IL12RB1: variants seen among roughly 807,000 people sequenced by gnomAD.
The protein encoded by IL12RB1 is interleukin 12 receptor subunit beta 1.
In IL12RB1, 64 loss-of-function variants were observed where a neutral mutation model predicts 94.4. That is an observed-to-expected ratio of 0.68 (90% CI 0.55 to 0.83). IL12RB1 has a LOEUF of 0.83. Ranked by LOEUF, IL12RB1 falls within the 40% of genes least tolerant of loss-of-function variation. The pLI, the probability that IL12RB1 is intolerant of heterozygous loss-of-function variation, is 0.00. For missense variants in IL12RB1, 814 were observed against 855.6 expected, an observed-to-expected ratio of 0.95 and a Z score of 0.61; for synonymous variants, 362 against 355.5, an observed-to-expected ratio of 1.02 and a Z score of -0.21.
intron 2 of IL12RB1, 184 bp downstream of exon 2, chr19:18,083,248 G>A: frequency 1.4e-6 from 1 of 692,722 alleles, no homozygotes; most frequent in Non-Finnish European, 2.6e-6. Context: ...GAGGCGGCTG[G>A]CTACTCCAGG....
intron 13 of IL12RB1, 97 bp from the exon 14 acceptor site, chr19:18,062,374 G>T: frequency 1.4e-6 from 1 of 703,840 alleles, no homozygotes; most frequent in Non-Finnish European, 2.4e-6. Flanking sequence ...ACTTGCTGCT[G>T]ATCCTGGTGC....
At chr19:18,067,413 T>C (rs963021760) in intron 11 of IL12RB1, among the ~76,000 whole-genome samples, 4 of 151,130 alleles carry the variant, frequency 2.6e-5, no homozygotes, top group African/African-American at 7.3e-5. Flanking sequence ...GGAGGTAACA[T>C]TGGCCACAGA....
At chr19:18,073,285 A>G (rs1321468534) in intron 8 of IL12RB1, among the ~76,000 whole-genome samples, 7 of 152,070 alleles carry the variant, frequency 4.6e-5, no homozygotes, top group Non-Finnish European at 7.4e-5. Context: ...TGTTTCTCAC[A>G]CAGGAGCCAG....
chr19:18,090,976 C>T (rs1301799861), upstream of IL12RB1, among the ~76,000 whole-genome samples: 1 of 152,016 alleles, frequency 6.6e-6, no homozygotes, highest in Non-Finnish European at 1.5e-5. Context: ...GGCAAAAGTC[C>T]AGAGGAGGTG....
chr19:18,095,215 G>A (rs1027753344), intron 1 of IL12RB1, among the ~76,000 whole-genome samples: 1 of 152,032 alleles, frequency 6.6e-6, no homozygotes, highest in African/African-American at 2.4e-5. Context: ...TATGCAAAAA[G>A]TTGTATGCCA....
chr19:18,098,103 C>T (rs2037155605), intron 1 of IL12RB1, among the ~76,000 whole-genome samples: 1 of 152,166 alleles, frequency 6.6e-6, no homozygotes, highest in South Asian at 2.1e-4. Context: ...CCCCTCCCCA[C>T]CAGCTGTTCT....
chr19:18,078,470 G>A (rs2035642350), intron 4 of IL12RB1, among the ~76,000 whole-genome samples: 1 of 151,826 alleles, frequency 6.6e-6, no homozygotes, highest in South Asian at 2.1e-4. Flanking sequence ...TTTATACACA[G>A]GATCCTGTTA....
chr19:18,078,355 C>G (rs1269119253), intron 4 of IL12RB1, among the ~76,000 whole-genome samples: 1 of 152,080 alleles, frequency 6.6e-6, no homozygotes, highest in Non-Finnish European at 1.5e-5. Flanking sequence ...TGTAGTTAGA[C>G]AAGATCCCAC....
intron 1 of IL12RB1, among the ~76,000 whole-genome samples, chr19:18,093,351 TGTGTGTGTGC>T (rs554400752): frequency 2.6e-4 from 37 of 141,416 alleles, no homozygotes; most frequent in Admixed American, 7.5e-4. Context: ...TATATATACT[TGTGTGTGTGC>T]GTGTGTGTGT....
At chr19:18,083,357 G>T in intron 2 of IL12RB1, 75 bp downstream of exon 2, 1 of 1,401,068 alleles carries the variant, frequency 7.1e-7, no homozygotes, top group Non-Finnish European at 1.0e-6. Context: ...TGGAGGCCAT[G>T]GGAGGGGCCG....
At chr19:18,063,153 T>C (rs2146112074) in intron 13 of IL12RB1, among the ~76,000 whole-genome samples, 1 of 130,716 alleles carries the variant, frequency 7.7e-6, no homozygotes, top group Non-Finnish European at 1.6e-5. Flanking sequence ...CAGAGTGCAG[T>C]GGTGCAGTCA....
chr19:18,072,176 G>A lies in IL12RB1; in HGVS notation c.957C>T (p.Ile319=), dbSNP rs1261170551. Residue 319 remains isoleucine (I), a synonymous_variant, in exon 9 of 17, where the codon ATC becomes ATT. Coordinates refer to ENST00000593993, the MANE Select transcript of IL12RB1 (RefSeq NM_005535.3). ...GGCCAGGACCAAATTGGTTCGAGGAGATGACAGCCACGTTGTAGGCAGCAC... is the reference window on the plus strand; with the variant it reads ...GGCCAGGACCAAATTGGTTCGAGGAAATGACAGCCACGTTGTAGGCAGCAC... ...LSGAAYNVAV[I]SSNQFGPGLN... is the part of the protein sequence containing the mutation. The A allele has an allele frequency of 1.9e-6, 3 of 1,614,062 alleles. No homozygotes were observed. Among genetic ancestry groups the A allele is most frequent in the Non-Finnish European group, 1.7e-6 (2 of 1,180,024 alleles).
Position 18,092,127 on chromosome 19 carries a change from T to C in IL12RB1, c.-229-1358A>G, listed in dbSNP as rs1333779913. ...CCTGACCTTAAGTGATCTGCTGGCC[T>C]CGGCCTCCCAAAGGGCTGGGATTAC... On this transcript the variant is annotated intron_variant, in intron 1 of 4. Coordinates refer to the IL12RB1 transcript ENST00000594176. Among the ~76,000 whole-genome samples the C allele has an allele frequency of 2.0e-5, 3 of 150,834 alleles. No homozygotes were observed. In the East Asian group the frequency reaches 5.9e-4, roughly 30 times the overall value.
upstream of IL12RB1, among the ~76,000 whole-genome samples, chr19:18,091,068 G>A (rs2036603336): frequency 6.6e-6 from 1 of 152,076 alleles, no homozygotes; most frequent in East Asian, 1.9e-4. Context: ...CAGGCTAAAG[G>A]GCCTGGCTTT....
chr19:18,090,259 G>A (rs1296375799), upstream of IL12RB1, among the ~76,000 whole-genome samples: 2 of 150,036 alleles, frequency 1.3e-5, no homozygotes, highest in Non-Finnish European at 3.0e-5. Flanking sequence ...GGGAGGCTGA[G>A]GCTTAAGCCA....
intron 1 of IL12RB1, chr19:18,097,760 G>T (rs2037085362): frequency 8.4e-7 from 1 of 1,196,270 alleles, no homozygotes; most frequent in African/African-American, 1.6e-5. Flanking sequence ...GGGCGGGGCC[G>T]GGGGCGGGCC....
chr19:18,072,390 C>G, intron 8 of IL12RB1, 41 bp from the exon 9 acceptor site: 1 of 1,289,778 alleles, frequency 7.8e-7, no homozygotes, highest in Non-Finnish European at 1.1e-6. Context: ...TACCTGATCA[C>G]ACTCATCATC....
chr19:18,080,811 G>C, intron 4 of IL12RB1, 21 bp downstream of exon 4: 1 of 1,559,382 alleles, frequency 6.4e-7, no homozygotes, highest in South Asian at 1.1e-5. Context: ...AAAACGGACG[G>C]GGGGAGAACA....
chr19:18,085,652 C>T (rs866684587), intron 1 of IL12RB1, among the ~76,000 whole-genome samples: 7 of 152,068 alleles, frequency 4.6e-5, no homozygotes, highest in South Asian at 2.1e-4. Flanking sequence ...CTCTGCCACA[C>T]AGGCTGGAAT....
Sources: gnomAD v4.1 joint callset for allele counts (sites outside exome capture counted in the v4.1 genomes callset) on GRCh38, gnomAD v4.1.1 for gene constraint, MANE v1.5 for transcripts, NCBI Gene and HGNC (gene_info 2026-07-23, HGNC 2026-07-21) for gene names.